The following PCCA variants were observed in gnomAD, a reference collection of about 807,000 sequenced individuals.
PCCA encodes propionyl-CoA carboxylase subunit alpha.
Under a neutral mutation model 101.3 loss-of-function variants are expected in PCCA, and 74 were observed. The observed-to-expected ratio is 0.73, with a 90% confidence interval of 0.61 to 0.89. The LOEUF is 0.89. Ranked by LOEUF, PCCA falls within the 40% of genes least tolerant of loss-of-function variation. PCCA has a pLI of 0.00. For synonymous variants in PCCA, 294 were observed against 313.6 expected, an observed-to-expected ratio of 0.94 and a Z score of 0.66; for missense variants, 891 against 907.0, an observed-to-expected ratio of 0.98 and a Z score of 0.23.
chr13:100,217,436 T>A (rs545119293), intron 7 of PCCA, among the ~76,000 whole-genome samples: 1 of 139,748 alleles, frequency 7.2e-6, no homozygotes, highest in Admixed American at 7.5e-5. Flanking sequence ...AGAGCGAGAC[T>A]CCATCTCAAA....
intron 21 of PCCA, among the ~76,000 whole-genome samples, chr13:100,484,594 T>A (rs1488341444): frequency 6.6e-6 from 1 of 152,218 alleles, no homozygotes; most frequent in East Asian, 1.9e-4. Context: ...TTTTTCTTTT[T>A]TCCCCCCTGT....
chr13:100,261,324 T>A (rs1184014823), intron 9 of PCCA, among the ~76,000 whole-genome samples: 2 of 152,112 alleles, frequency 1.3e-5, no homozygotes, highest in Non-Finnish European at 2.9e-5. Flanking sequence ...ATATGCTCAA[T>A]TACTTTTAGG....
At chr13:100,189,315 T>C (rs1318451244) in intron 6 of PCCA, among the ~76,000 whole-genome samples, 1 of 152,240 alleles carries the variant, frequency 6.6e-6, no homozygotes, top group East Asian at 1.9e-4. Flanking sequence ...TGGTTCCATG[T>C]CTTTGCTACT....
chr13:100,110,232 C>T (rs952217440), intron 2 of PCCA, among the ~76,000 whole-genome samples: 2 of 152,132 alleles, frequency 1.3e-5, no homozygotes, highest in African/African-American at 4.8e-5. Context: ...ATAACTGACA[C>T]TTTTTTTCTG....
chr13:100,246,449 A>G (rs1368979810), intron 8 of PCCA, among the ~76,000 whole-genome samples: 1 of 152,112 alleles, frequency 6.6e-6, no homozygotes, highest in Non-Finnish European at 1.5e-5. Flanking sequence ...AGCTGGGACT[A>G]CAGGCACATG....
intron 19 of PCCA, among the ~76,000 whole-genome samples, chr13:100,372,931 A>G (rs2075662540): frequency 1.3e-5 from 2 of 152,120 alleles, no homozygotes; most frequent in African/African-American, 2.4e-5. Context: ...TTTAGTAGAG[A>G]TGGTGTTTCA....
At chr13:100,231,940 CA>C (rs2060493124) in intron 7 of PCCA, among the ~76,000 whole-genome samples, 1 of 152,144 alleles carries the variant, frequency 6.6e-6, no homozygotes, top group South Asian at 2.1e-4. Flanking sequence ...CCTGTGCGTT[CA>C]AATGTGTATT....
intron 22 of PCCA, among the ~76,000 whole-genome samples, chr13:100,524,374 C>CGTGTGTGT (rs1210676697): frequency 0.064 from 8,910 of 139,052 alleles, 340 homozygotes; most frequent in Middle Eastern, 0.098. Flanking sequence ...CAATTAAGCT[C>CGTGTGTGT]GTGTGTGTGT....
At chr13:100,250,014 T>TGAA (rs2061661213) in intron 8 of PCCA, among the ~76,000 whole-genome samples, 1 of 152,224 alleles carries the variant, frequency 6.6e-6, no homozygotes, top group African/African-American at 2.4e-5. Context: ...TATCCACTAG[T>TGAA]GAAGACAGTT....
chr13:100,467,529 C>T (rs1441212088), intron 21 of PCCA, among the ~76,000 whole-genome samples: 1 of 152,150 alleles, frequency 6.6e-6, no homozygotes, highest in Admixed American at 6.5e-5. Context: ...CGCCACCATT[C>T]CAGACTAATT....
chr13:100,128,544 G>T (rs892317927), intron 4 of PCCA, among the ~76,000 whole-genome samples: 1 of 152,130 alleles, frequency 6.6e-6, no homozygotes, highest in East Asian at 1.9e-4. Context: ...TTGCTGAGGG[G>T]TAAAATGTAA....
chr13:100,265,540 TG>T (rs539678747), intron 10 of PCCA, among the ~76,000 whole-genome samples: 78 of 152,290 alleles, frequency 5.1e-4, no homozygotes, highest in Non-Finnish European at 9.6e-4. Context: ...AGACTTCACC[TG>T]TCAACCTGTT....
intron 15 of PCCA, 128 bp downstream of exon 15, chr13:100,307,388 T>C (rs1279718551): frequency 3.5e-5 from 25 of 710,394 alleles, no homozygotes; most frequent in Admixed American, 1.0e-4. Flanking sequence ...CTGATGTAAA[T>C]GTGAAAGCAG....
intron 4 of PCCA, among the ~76,000 whole-genome samples, chr13:100,127,264 G>C (rs1273613995): frequency 1.3e-5 from 2 of 152,120 alleles, no homozygotes; most frequent in Admixed American, 6.5e-5. Context: ...TGTGGGAAGT[G>C]ACTTGTGGAT....
At chr13:100,385,240 C>T (rs935226501) in intron 19 of PCCA, among the ~76,000 whole-genome samples, 2 of 151,910 alleles carry the variant, frequency 1.3e-5, no homozygotes, top group African/African-American at 4.8e-5. Context: ...ATTATTTTTC[C>T]ATTTGAAAAA....
intron 16 of PCCA, among the ~76,000 whole-genome samples, chr13:100,323,394 T>C (rs1168943584): frequency 6.6e-6 from 1 of 152,018 alleles, no homozygotes; most frequent in African/African-American, 2.4e-5. Flanking sequence ...CGGTCTCGGC[T>C]CACTACAACC....
chr13:100,402,116 C>G (rs1317182700), intron 19 of PCCA, among the ~76,000 whole-genome samples: 1 of 152,066 alleles, frequency 6.6e-6, no homozygotes, highest in Non-Finnish European at 1.5e-5. Context: ...TAACTGTAAT[C>G]TGCTATTGTA....
chr13:100,120,205 G>A (rs2049239729), intron 4 of PCCA, among the ~76,000 whole-genome samples: 2 of 144,950 alleles, frequency 1.4e-5, no homozygotes, highest in African/African-American at 2.6e-5. Context: ...TTGAGACAGA[G>A]CCTTACTCTG....
intron 7 of PCCA, among the ~76,000 whole-genome samples, chr13:100,220,465 G>A (rs1219140011): frequency 1.4e-5 from 2 of 145,186 alleles, no homozygotes; most frequent in Non-Finnish European, 3.0e-5. Context: ...AGTAGAGACT[G>A]GGTTTCACCA....
Sources: allele counts gnomAD v4.1 joint callset (sites outside exome capture counted in the v4.1 genomes callset), GRCh38; gene constraint gnomAD v4.1.1; transcripts MANE v1.5; gene names NCBI Gene and HGNC (gene_info 2026-07-23, HGNC 2026-07-21).